The following CHRNA3 variants were observed in gnomAD, a reference collection of about 807,000 sequenced individuals.
CHRNA3 encodes cholinergic receptor nicotinic alpha 3 subunit.
Under a neutral mutation model 41.9 loss-of-function variants are expected in CHRNA3, and 34 were observed. That is an observed-to-expected ratio of 0.81 (90% CI 0.62 to 1.08). The LOEUF (loss-of-function observed/expected upper bound fraction) is 1.08. CHRNA3 is among the 50% of genes least tolerant of loss of function. The pLI is 0.00. For synonymous variants in CHRNA3, 281 were observed against 265.2 expected, an observed-to-expected ratio of 1.06 and a Z score of -0.58; for missense variants, 542 against 638.3, an observed-to-expected ratio of 0.85 and a Z score of 1.63.
chr15:78,620,753 C>G lies in CHRNA3; in HGVS notation c.42G>C (p.Pro14=), dbSNP rs1455407487. The change falls in exon 1 of 6, where the codon CCG becomes CCC. Residue 14 remains proline (P), a synonymous_variant. Coordinates refer to ENST00000326828, the MANE Select transcript of CHRNA3 (RefSeq NM_000743.5). ...GCAGCAGCAGCAGCAGCAGCCGCGG[C>G]GGCGACAGCGCCAGGGGCAGCGAGA... ...GPLSLPLALS[P]PRLLLLLLLS... 8.0e-6 allele frequency: 12 copies of G among 1,498,486 alleles called. No homozygotes were observed. The highest frequency in any genetic ancestry group is 1.1e-5 in the Non-Finnish European group (12 of 1,130,674). 92.8% of individuals were successfully genotyped at this position (1,498,486 alleles called of 1,614,324 possible). A position where few individuals can be genotyped will look rare whatever the true frequency, so the allele number is the denominator to read the frequency against.
chr15:78,597,916 T>C (rs1639449524), intron 5 of CHRNA3, among the ~76,000 whole-genome samples: 2 of 152,210 alleles, frequency 1.3e-5, no homozygotes, highest in African/African-American at 2.4e-5. Context: ...ATGTGTTCTC[T>C]TGGTGACACT....
chr15:78,615,600 C>T (rs961115712), intron 4 of CHRNA3, among the ~76,000 whole-genome samples: 1 of 152,276 alleles, frequency 6.6e-6, no homozygotes, highest in South Asian at 2.1e-4. Flanking sequence ...CTAGGCCTAC[C>T]CAGACCCACT....
At chr15:78,617,477 G>C (rs1044818037) in intron 3 of CHRNA3, among the ~76,000 whole-genome samples, 1 of 152,124 alleles carries the variant, frequency 6.6e-6, no homozygotes, top group Non-Finnish European at 1.5e-5. Flanking sequence ...CCAGGTCCAT[G>C]TGCCTGTTTA....
In CHRNA3 at chr15:78,618,763, T is replaced by G; in HGVS notation, c.222+13A>C. The G allele has an allele frequency of 1.9e-6, 3 of 1,614,088 alleles. No individual in the cohort carries two copies. The highest frequency in any genetic ancestry group is 2.5e-6 in the Non-Finnish European group (3 of 1,180,022). On this transcript the variant is annotated intron_variant, in intron 2 of 5. Transcript: ENST00000326828. Reference sequence around the variant, plus strand: ...GGTCCCCATGGCCACGGCTCGTGGCTTCCAGCACTCACCACCTTCACCAGC... The same window carrying G: ...GGTCCCCATGGCCACGGCTCGTGGCGTCCAGCACTCACCACCTTCACCAGC...
intron 4 of CHRNA3, among the ~76,000 whole-genome samples, chr15:78,604,050 G>T (rs1377249640): frequency 6.6e-6 from 1 of 152,110 alleles, no homozygotes; most frequent in Non-Finnish European, 1.5e-5. Context: ...ACAGCATCCT[G>T]GATCAACAAA....
In CHRNA3 at chr15:78,601,899, A is replaced by AG. The variant is rs761136255; in HGVS notation, c.742dup (p.Leu248ProfsTer24). 3.1e-6 allele frequency: 5 copies of AG among 1,613,894 alleles called. No homozygotes were observed. In the African/African-American group the frequency reaches 6.7e-5, roughly 22 times the overall value. ...GGAGATGAGCAGGCAGGGGATGATG[A>AG]GGTTGATGGTGTAGAACAAGGGCAG... On this transcript the variant is annotated frameshift_variant, in exon 5 of 6. Coordinates refer to ENST00000326828, the MANE Select transcript of CHRNA3 (RefSeq NM_000743.5). LOFTEE classifies it high-confidence loss of function.
chr15:78,596,165 C>A lies in CHRNA3; in HGVS notation c.*439G>T. ...GAAATGCATGGTAAGAAATGGGTAA[C>A]GATGGGGGATTGCTGAATTAGTATA... On this transcript the variant is annotated 3_prime_UTR_variant, in exon 6 of 6. Transcript: ENST00000326828. 1.0e-6 allele frequency: 1 copy of A among 981,716 alleles called. No individual in the cohort carries two copies. Among genetic ancestry groups the A allele is most frequent in the Non-Finnish European group, 1.2e-6 (1 of 826,810 alleles). The allele number at this position is 981,716 out of a possible 1,614,324, so 60.8% of individuals were successfully genotyped here. A position where few individuals can be genotyped will look rare whatever the true frequency, so the allele number is the denominator to read the frequency against.
At chr15:78,611,339 G>A (rs551919688) in intron 4 of CHRNA3, among the ~76,000 whole-genome samples, 1,984 of 151,704 alleles carry the variant, frequency 0.013, 20 homozygotes, top group Non-Finnish European at 0.021. Flanking sequence ...CTGGCAAACC[G>A]AATCCAGCAG....
At chr15:78,616,850 A>C (rs1202880396) in intron 4 of CHRNA3, among the ~76,000 whole-genome samples, 174 bp downstream of exon 4, 1 of 152,202 alleles carries the variant, frequency 6.6e-6, no homozygotes, top group Non-Finnish European at 1.5e-5. Context: ...GTGGCTCTCC[A>C]ACATCTCTGG....
intron 4 of CHRNA3, among the ~76,000 whole-genome samples, chr15:78,608,068 G>C (rs987196353): frequency 2.6e-5 from 4 of 152,234 alleles, no homozygotes; most frequent in Non-Finnish European, 4.4e-5. Context: ...CAAAGCAGCC[G>C]GGAAGCTCGA....
intron 4 of CHRNA3, among the ~76,000 whole-genome samples, chr15:78,603,085 C>T (rs549062953): frequency 2.0e-4 from 30 of 152,310 alleles, no homozygotes; most frequent in African/African-American, 7.0e-4. Flanking sequence ...AATGCAGTAG[C>T]TCACTACAAT....
rs753525404 is a variant in CHRNA3, at chr15:78,596,754, GA to G, written c.1390-23del. 1.4e-4 allele frequency: 227 copies of G among 1,574,912 alleles called. No homozygotes were observed. The African/African-American group carries it at 2.2e-3, about 15-fold the overall frequency. On this transcript the variant is annotated intron_variant, in intron 5 of 5. Coordinates refer to ENST00000326828, the MANE Select transcript of CHRNA3 (RefSeq NM_000743.5). Reference sequence around the variant, plus strand: ...GAATCTGCAAAACAAAATGATAAAAGAAAAAAAACATGGAGGGAAAGGCAAA... The same window carrying G: ...GAATCTGCAAAACAAAATGATAAAAGAAAAAAACATGGAGGGAAAGGCAAA...
chr15:78,606,755 C>T (rs140425429), intron 4 of CHRNA3, among the ~76,000 whole-genome samples: 20 of 151,448 alleles, frequency 1.3e-4, no homozygotes, highest in Non-Finnish European at 1.8e-4. Flanking sequence ...AAAAATTAGC[C>T]GGATGTGGTG....
intron 4 of CHRNA3, among the ~76,000 whole-genome samples, chr15:78,604,146 G>A (rs1288932940): frequency 6.6e-6 from 1 of 152,188 alleles, no homozygotes; most frequent in Non-Finnish European, 1.5e-5. Context: ...AATAAAATCT[G>A]GGGGGAATAG....
At chr15:78,608,311 C>A (rs1214311232) in intron 4 of CHRNA3, among the ~76,000 whole-genome samples, 1 of 152,196 alleles carries the variant, frequency 6.6e-6, no homozygotes, top group Admixed American at 6.5e-5. Context: ...GGAGACACCC[C>A]CCAAGTAGGG....
rs1326276941 is a variant in CHRNA3, at chr15:78,620,719, G to A, written c.76C>T (p.Leu26=). The change falls in exon 1 of 6, where the codon CTG becomes TTG. Residue 26 remains leucine, a synonymous_variant. Transcript: ENST00000326828. ...RLLLLLLLSL[L]PVARASEAEH... is the part of the protein sequence containing the mutation. Reference sequence around the variant, plus strand: ...CTAACGCCTGTGCGCGTACCTGGCAGCAGAGACAGCAGCAGCAGCAGCAGC... The same window carrying A: ...CTAACGCCTGTGCGCGTACCTGGCAACAGAGACAGCAGCAGCAGCAGCAGC... The A allele has an allele frequency of 1.4e-6, 2 of 1,479,998 alleles. No homozygotes were observed. Among genetic ancestry groups the A allele is most frequent in the Non-Finnish European group, 1.8e-6 (2 of 1,126,624 alleles). The allele number at this position is 1,479,998 out of a possible 1,614,324, so 91.7% of individuals were successfully genotyped here.
At chr15:78,602,892 GCTTC>G (rs1037628728) in intron 4 of CHRNA3, among the ~76,000 whole-genome samples, 5 of 151,874 alleles carry the variant, frequency 3.3e-5, no homozygotes, top group African/African-American at 9.7e-5. Context: ...ATCATGTTTT[GCTTC>G]CTTGTCTTTC....
chr15:78,596,766 G>A (rs199792532), intron 5 of CHRNA3, 34 bp from the exon 6 acceptor site: 4 of 1,581,982 alleles, frequency 2.5e-6, no homozygotes, highest in Non-Finnish European at 3.4e-6. Context: ...AAAAAAACAT[G>A]GAGGGAAAGG....
intron 5 of CHRNA3, among the ~76,000 whole-genome samples, chr15:78,598,144 A>G (rs998125138): frequency 6.6e-6 from 1 of 152,234 alleles, no homozygotes; most frequent in Non-Finnish European, 1.5e-5. Context: ...GCTCCTTTTG[A>G]GTTGTGAGAA....
Sources: gnomAD v4.1 joint callset for allele counts (sites outside exome capture counted in the v4.1 genomes callset) on GRCh38, gnomAD v4.1.1 for gene constraint, MANE v1.5 for transcripts, NCBI Gene and HGNC (gene_info 2026-07-23, HGNC 2026-07-21) for gene names.